TLCD3B: variants seen among roughly 807,000 people sequenced by gnomAD.
The protein encoded by TLCD3B is TLC domain containing 3B.
Under a neutral mutation model 23.0 loss-of-function variants are expected in TLCD3B, and 9 were observed. That is an observed-to-expected ratio of 0.39 (90% CI 0.24 to 0.68). The LOEUF is 0.68. TLCD3B is among the 30% of genes least tolerant of loss of function. The pLI, the probability that TLCD3B is intolerant of heterozygous loss-of-function variation, is 0.44. For synonymous variants in TLCD3B, 161 were observed against 161.0 expected, an observed-to-expected ratio of 1.00 and a Z score of 0.00; for missense variants, 307 against 371.8, an observed-to-expected ratio of 0.83 and a Z score of 1.43.
In TLCD3B at chr16:30,024,441, A is replaced by T. The variant is rs932474356; in HGVS notation, c.*742T>A. 18 of 659,546 alleles carry T rather than the reference A, an allele frequency of 2.7e-5. No homozygotes were observed. The highest frequency in any genetic ancestry group is 1.2e-4 in the Admixed American group (4 of 33,742). The allele number at this position is 659,546 out of a possible 1,614,324, so 40.9% of individuals were successfully genotyped here. ...AAGGGCCTTGGTGGCGTTCACGCAG[A>T]TCGTCTTTTATTAGCGGTCTGTAAA... is the stretch of plus-strand genomic sequence containing the variant. On this transcript the variant is annotated 3_prime_UTR_variant, in exon 5 of 5. Coordinates refer to ENST00000380495, the MANE Select transcript of TLCD3B (RefSeq NM_031478.6).
intron 1 of TLCD3B, 125 bp downstream of exon 1, chr16:30,030,277 AG>A (rs2071314040): frequency 8.5e-7 from 1 of 1,172,090 alleles, no homozygotes; most frequent in Non-Finnish European, 1.2e-6. Flanking sequence ...CTGGGGGTAA[AG>A]CCCCGGACCC....
intron 2 of TLCD3B, among the ~76,000 whole-genome samples, chr16:30,028,630 G>C (rs2071247530): frequency 6.6e-6 from 1 of 152,186 alleles, no homozygotes; most frequent in African/African-American, 2.4e-5. Context: ...CCACAGAAGA[G>C]GCAACTCATC....
intron 1 of TLCD3B, among the ~76,000 whole-genome samples, chr16:30,052,539 A>T (rs755261834): frequency 2.3e-4 from 35 of 151,036 alleles, no homozygotes; most frequent in Non-Finnish European, 4.0e-4. Context: ...TCTACTAAAA[A>T]TACAAAAATT....
intron 3 of TLCD3B, among the ~76,000 whole-genome samples, chr16:30,038,523 G>A (rs1485560855): frequency 2.6e-5 from 4 of 152,150 alleles, no homozygotes; most frequent in Non-Finnish European, 4.4e-5. Flanking sequence ...AGGCCAAGGC[G>A]GGCAGATCAC....
intron 2 of TLCD3B, among the ~76,000 whole-genome samples, chr16:30,043,351 G>T (rs936421854): frequency 2.6e-5 from 4 of 151,926 alleles, no homozygotes; most frequent in Admixed American, 2.6e-4. Context: ...AGCCTCCCAA[G>T]TGGCTGGGAC....
chr16:30,036,395 C>T, intron 3 of TLCD3B: 3 of 1,285,984 alleles, frequency 2.3e-6, no homozygotes, highest in Non-Finnish European at 3.0e-6. Context: ...TTAGAAAGAC[C>T]TCCCCTCCCA....
chr16:30,035,169 C>T (rs2071443531), upstream of TLCD3B: 2 of 574,170 alleles, frequency 3.5e-6, no homozygotes, highest in Admixed American at 7.6e-5. Flanking sequence ...GCCTCAGCTT[C>T]CCAAAGTGCT....
At chr16:30,036,107 C>G, upstream of TLCD3B, 1 of 1,242,242 alleles carries the variant, frequency 8.0e-7, no homozygotes, top group Non-Finnish European at 1.0e-6. Context: ...CTGCATGCCC[C>G]GCCCGCCGCC....
rs1326659039 is a variant in TLCD3B at position 30,040,145 on chromosome 16, A to ATATAT, written c.-67+849_-67+850insATATA. 1.4e-3 allele frequency among the ~76,000 whole-genome samples: 126 copies of ATATAT among 89,472 alleles called. 1 individual carries two copies. The highest frequency in any genetic ancestry group is 4.5e-3 in the African/African-American group (113 of 25,030). The allele number at this position is 89,472 out of a possible 152,430, so 58.7% of individuals were successfully genotyped here. A position where few individuals can be genotyped will look rare whatever the true frequency, so the allele number is the denominator to read the frequency against. ...CAAGACTTTGTCTCAAAAAAAAAAA[A>ATATAT]AAATATATATATATATATATATATA... On this transcript the variant is annotated intron_variant, in intron 3 of 6. Transcript: ENST00000561666.
intron 1 of TLCD3B, among the ~76,000 whole-genome samples, chr16:30,051,187 G>A (rs1596785777): frequency 6.6e-6 from 1 of 152,140 alleles, no homozygotes; most frequent in Non-Finnish European, 1.5e-5. Context: ...TTTGAGGCAG[G>A]AGTTGGAGAC....
upstream of TLCD3B, chr16:30,035,257 G>A (rs1041787674): frequency 4.8e-6 from 6 of 1,240,388 alleles, no homozygotes; most frequent in African/African-American, 1.5e-5. Context: ...TCCACACTCT[G>A]CTTCTGCTTT....
At chr16:30,040,032 G>A (rs1405618924) in intron 3 of TLCD3B, among the ~76,000 whole-genome samples, 1 of 151,018 alleles carries the variant, frequency 6.6e-6, no homozygotes, top group African/African-American at 2.4e-5. Context: ...CACTCAGGAG[G>A]CTGAGGCAGG....
upstream of TLCD3B, among the ~76,000 whole-genome samples, chr16:30,035,633 C>T (rs2071454019): frequency 6.6e-6 from 1 of 152,190 alleles, no homozygotes; most frequent in Non-Finnish European, 1.5e-5. Context: ...AACCTCTTCT[C>T]TAAGCTCCTA....
At chr16:30,040,169 T>C (rs1396771818) in intron 3 of TLCD3B, among the ~76,000 whole-genome samples, 1 of 143,956 alleles carries the variant, frequency 6.9e-6, no homozygotes, top group Admixed American at 6.9e-5. Flanking sequence ...TATATATATA[T>C]ATGAAAAGAT....
chr16:30,050,925 G>A (rs1215500139), intron 1 of TLCD3B, among the ~76,000 whole-genome samples: 1 of 152,158 alleles, frequency 6.6e-6, no homozygotes, highest in African/African-American at 2.4e-5. Flanking sequence ...TCCATAGAGA[G>A]GGGTGCTTGT....
chr16:30,045,327 GGTGTTTGTGT>G (rs964376060), intron 2 of TLCD3B, among the ~76,000 whole-genome samples: 1 of 145,244 alleles, frequency 6.9e-6, no homozygotes, highest in South Asian at 2.3e-4. Context: ...GTGTGTGTGT[GGTGTTTGTGT>G]GTGTTTGTGT....
At chr16:30,030,118 TCTTCG>T in intron 1 of TLCD3B, 1 of 1,440,004 alleles carries the variant, frequency 6.9e-7, no homozygotes, top group Non-Finnish European at 9.3e-7. Context: ...TATAGGAATG[TCTTCG>T]CCGCATGCTG....
At chr16:30,048,232 T>G (rs1031349504) in intron 1 of TLCD3B, among the ~76,000 whole-genome samples, 3 of 151,196 alleles carry the variant, frequency 2.0e-5, no homozygotes, top group Non-Finnish European at 4.4e-5. Context: ...TCCCAAGTAG[T>G]TGGACCATAA....
At chr16:30,035,823 C>T (rs941416631), upstream of TLCD3B, among the ~76,000 whole-genome samples, 13 of 148,200 alleles carry the variant, frequency 8.8e-5, no homozygotes, top group African/African-American at 2.0e-4. Context: ...AGTGTGGTGG[C>T]GTGATCTTGG....
Sources: allele counts gnomAD v4.1 joint callset (sites outside exome capture counted in the v4.1 genomes callset), GRCh38; gene constraint gnomAD v4.1.1; transcripts MANE v1.5; gene names NCBI Gene and HGNC (gene_info 2026-07-23, HGNC 2026-07-21).